The following NRXN1 variants were observed in gnomAD, a reference collection of about 807,000 sequenced individuals.
NRXN1 encodes the protein neurexin 1.
Under a neutral mutation model 150.9 loss-of-function variants are expected in NRXN1, and 39 were observed. The observed-to-expected ratio is 0.26, with a 90% CI of 0.20 to 0.34. The LOEUF is 0.34. Among genes scored for constraint, NRXN1 ranks in the 10% least tolerant of loss-of-function variants. NRXN1 has a pLI of 1.00. For missense variants in NRXN1, 1,815 were observed against 1,949.9 expected (o/e 0.93, Z 1.30); for synonymous variants, 924 against 757.0 (o/e 1.22, Z -3.62).
At chr2:50,408,289 G>A (rs2082897344) in intron 17 of NRXN1, among the ~76,000 whole-genome samples, 1 of 152,274 alleles carries the variant, frequency 6.6e-6, no homozygotes, top group African/African-American at 2.4e-5. Context: ...TAAGTTTATT[G>A]CCTGGCACAA....
chr2:50,147,490 G>C (rs949797052), intron 18 of NRXN1, among the ~76,000 whole-genome samples: 75 of 151,792 alleles, frequency 4.9e-4, no homozygotes, highest in African/African-American at 1.7e-3. Flanking sequence ...TGCATCCCTA[G>C]AGTTAAAGAG....
chr2:50,562,358 G>GATAGATAGATAT (rs1669224956), intron 8 of NRXN1, among the ~76,000 whole-genome samples: 1 of 151,840 alleles, frequency 6.6e-6, no homozygotes, highest in Non-Finnish European at 1.5e-5. Flanking sequence ...TAGATAGATA[G>GATAGATAGATAT]ATAGATGATT....
chr2:50,473,826 T>C (rs1395277146), intron 15 of NRXN1, among the ~76,000 whole-genome samples: 1 of 151,986 alleles, frequency 6.6e-6, no homozygotes, highest in African/African-American at 2.4e-5. Context: ...CATTAAACAG[T>C]AATAAGCTAA....
At chr2:50,253,195 C>T (rs12713093) in intron 17 of NRXN1, among the ~76,000 whole-genome samples, 62,603 of 151,748 alleles carry the variant, frequency 0.41, 13,105 homozygotes, top group Middle Eastern at 0.46. Flanking sequence ...AGTTCATTCA[C>T]GATTTGACTC....
intron 17 of NRXN1, among the ~76,000 whole-genome samples, chr2:50,310,958 T>C (rs2075127814): frequency 6.6e-6 from 1 of 152,294 alleles, no homozygotes; most frequent in Middle Eastern, 3.4e-3. Flanking sequence ...AGAAAACAAA[T>C]GCAATATCCT....
At chr2:50,556,519 T>TAAAAGAG in intron 8 of NRXN1, among the ~76,000 whole-genome samples, 1 of 151,822 alleles carries the variant, frequency 6.6e-6, no homozygotes, top group Non-Finnish European at 1.5e-5. Flanking sequence ...TTTTTTTTTT[T>TAAAAGAG]TAAAGAGTGA....
At chr2:50,951,197 A>T (rs1213203050) in intron 2 of NRXN1, among the ~76,000 whole-genome samples, 3 of 152,188 alleles carry the variant, frequency 2.0e-5, no homozygotes, top group Non-Finnish European at 4.4e-5. Context: ...CCTGAGGGAC[A>T]AAAGGGGATG....
chr2:50,366,085 G>C (rs12478012), intron 17 of NRXN1, among the ~76,000 whole-genome samples: 62,175 of 149,878 alleles, frequency 0.41, 13,051 homozygotes, highest in East Asian at 0.56. Context: ...TAATCCAATA[G>C]CAGATAATAA....
At chr2:50,656,390 A>T (rs201586283) in intron 5 of NRXN1, 26 of 776,916 alleles carry the variant, frequency 3.3e-5, no homozygotes, top group Non-Finnish European at 1.2e-5. Flanking sequence ...AGAAGTCATG[A>T]AAGTGGTCTG....
chr2:50,740,810 A>G (rs1412739687), intron 5 of NRXN1, among the ~76,000 whole-genome samples: 8 of 152,166 alleles, frequency 5.3e-5, no homozygotes, highest in Non-Finnish European at 1.2e-4. Flanking sequence ...ATAAAATTTT[A>G]TTTTGGAATC....
chr2:50,670,411 A>G (rs1051614398), intron 5 of NRXN1, among the ~76,000 whole-genome samples: 1 of 151,628 alleles, frequency 6.6e-6, no homozygotes, highest in Non-Finnish European at 1.5e-5. Context: ...AACGTAAACA[A>G]TATTAAGTAT....
rs1020649116 is a variant in NRXN1 at position 49,925,940 on chromosome 2, G to A, written c.4217-3689C>T. 1.7e-4 allele frequency among the ~76,000 whole-genome samples: 26 copies of A among 152,142 alleles called. 1 individual carries two copies. Among genetic ancestry groups the A allele is most frequent in the Admixed American group, 3.3e-4 (5 of 15,272 alleles). ...TCTTGAATCTTCAAAGATTAACTCC[G>A]ACGTGTAGGTAAAATTAAGCCGATG... On this transcript the variant is annotated intron_variant, in intron 22 of 22. Transcript: ENST00000401669.
At position 50,838,964 on chromosome 2, in the gene NRXN1, T is replaced by C. The variant is rs527717944; in HGVS notation, c.832+82905A>G. Among the ~76,000 whole-genome samples the C allele has an allele frequency of 3.9e-5, 6 of 152,188 alleles. 1 individual carries two copies. In the South Asian group the frequency reaches 1.2e-3, roughly 32 times the overall value. On this transcript the variant is annotated intron_variant, in intron 5 of 22. Coordinates refer to ENST00000401669, the MANE Select transcript of NRXN1 (RefSeq NM_001330078.2). ...AACACTGAGGTGAAAAAAGGTGAAA[T>C]CTTGCTGACCAAGATCTTACAGTTA...
Position 50,033,034 on chromosome 2 carries a change from A to T in NRXN1, c.4128+20237T>A, listed in dbSNP as rs997363759. Among the ~76,000 whole-genome samples the T allele has an allele frequency of 4.0e-5, 6 of 151,428 alleles. No homozygotes were observed. The East Asian group carries it at 5.8e-4, about 15-fold the overall frequency. ...TATATATACATGTATGTATACACACATATATATATAATCTTATTAAAATCT... is the reference window on the plus strand; with the variant it reads ...TATATATACATGTATGTATACACACTTATATATATAATCTTATTAAAATCT... On this transcript the variant is annotated intron_variant, in intron 21 of 22. Transcript: ENST00000401669.
At chr2:50,449,939 A>T (rs2086807954) in intron 17 of NRXN1, among the ~76,000 whole-genome samples, 1 of 152,210 alleles carries the variant, frequency 6.6e-6, no homozygotes, top group African/African-American at 2.4e-5. Context: ...GCTGACTCTC[A>T]GATATGTTAA....
At chr2:50,496,454 GCTTTT>G (rs1458086815) in intron 14 of NRXN1, among the ~76,000 whole-genome samples, 1 of 152,074 alleles carries the variant, frequency 6.6e-6, no homozygotes, top group Admixed American at 6.6e-5. Context: ...TCTTGCACTT[GCTTTT>G]CTCCTCTATC....
At chr2:50,741,002 C>T (rs1699356982) in intron 5 of NRXN1, among the ~76,000 whole-genome samples, 1 of 152,086 alleles carries the variant, frequency 6.6e-6, no homozygotes, top group Non-Finnish European at 1.5e-5. Context: ...TTAACTCCTA[C>T]CACTAAAATT....
chr2:50,941,413 A>C (rs1689426297), intron 2 of NRXN1, among the ~76,000 whole-genome samples: 1 of 152,154 alleles, frequency 6.6e-6, no homozygotes. Context: ...AAGATATGGG[A>C]AAGTTTGGAA....
intron 19 of NRXN1, among the ~76,000 whole-genome samples, chr2:50,084,318 C>G (rs1397685431): frequency 6.6e-6 from 1 of 152,152 alleles, no homozygotes; most frequent in African/African-American, 2.4e-5. Flanking sequence ...AGGGGAGGCT[C>G]AGGCATGGCG....
Sources: gnomAD v4.1 joint callset for allele counts (sites outside exome capture counted in the v4.1 genomes callset) on GRCh38, gnomAD v4.1.1 for gene constraint, MANE v1.5 for transcripts, NCBI Gene and HGNC (gene_info 2026-07-23, HGNC 2026-07-21) for gene names.